The following CXADR variants were observed in gnomAD, a reference collection of about 807,000 sequenced individuals.
The protein encoded by CXADR is CXADR cell adhesion molecule.
A neutral mutation model predicts 40.3 loss-of-function variants in CXADR; 20 were observed. That is an observed-to-expected ratio of 0.50 (90% CI 0.35 to 0.72). The LOEUF (loss-of-function observed/expected upper bound fraction) is 0.72. Among genes scored for constraint, CXADR ranks in the 30% least tolerant of loss-of-function variants. The pLI, the probability that CXADR is intolerant of heterozygous loss-of-function variation, is 0.01. For missense variants in CXADR, 332 were observed against 449.1 expected (o/e 0.74, Z 2.36); for synonymous variants, 150 against 161.3 (o/e 0.93, Z 0.53).
At chr21:17,604,452 A>G in the CXADR span, among the ~76,000 whole-genome samples, 1 of 152,230 alleles carries the variant, frequency 6.6e-6, no homozygotes, top group Non-Finnish European at 1.5e-5. Flanking sequence ...TCCCAAAAAA[A>G]AAGAGGAGAG....
At chr21:17,557,154 C>T (rs976097594) in intron 3 of CXADR, among the ~76,000 whole-genome samples, 3 of 152,116 alleles carry the variant, frequency 2.0e-5, no homozygotes, top group Non-Finnish European at 4.4e-5. Context: ...AAAGTCTTGA[C>T]GTTTATCAGC....
At chr21:17,520,665 A>C (rs1459989394) in intron 1 of CXADR, among the ~76,000 whole-genome samples, 1 of 152,220 alleles carries the variant, frequency 6.6e-6, no homozygotes, top group South Asian at 2.1e-4. Context: ...CTAACACAGG[A>C]ATCCTCTGGG....
chr21:17,626,734 G>T, the CXADR span, among the ~76,000 whole-genome samples: 2 of 152,162 alleles, frequency 1.3e-5, no homozygotes, highest in African/African-American at 2.4e-5. Context: ...GGGTGTTAAG[G>T]CTGGCTTCAT....
At chr21:17,594,051 T>C, downstream of CXADR, 1 of 1,595,108 alleles carries the variant, frequency 6.3e-7, no homozygotes, top group South Asian at 1.1e-5. Context: ...AGGTTTATTC[T>C]ACCTTTTTCT....
At chr21:17,585,562 C>T (rs917751429) in intron 7 of CXADR, among the ~76,000 whole-genome samples, 7 of 152,132 alleles carry the variant, frequency 4.6e-5, no homozygotes, top group Non-Finnish European at 8.8e-5. Context: ...TCTGTCGTCA[C>T]GCTGGAGTAC....
intron 2 of CXADR, among the ~76,000 whole-genome samples, chr21:17,547,912 A>G (rs894902364): frequency 3.3e-5 from 5 of 152,204 alleles, no homozygotes; most frequent in African/African-American, 1.2e-4. Context: ...AGTCTAATGT[A>G]GAAAACTTGG....
chr21:17,631,153 TG>T, the CXADR span, among the ~76,000 whole-genome samples: 5 of 152,376 alleles, frequency 3.3e-5, no homozygotes, highest in African/African-American at 7.2e-5. Context: ...ATTAGCACTG[TG>T]GGTTCTTTAG....
downstream of CXADR, among the ~76,000 whole-genome samples, chr21:17,575,000 CATACAT>C (rs199953415): frequency 0.22 from 1,975 of 9,154 alleles, 128 homozygotes; most frequent in East Asian, 0.51. Flanking sequence ...TATACACACA[CATACAT>C]ACATACATAC....
the CXADR span, among the ~76,000 whole-genome samples, chr21:17,615,144 C>T: frequency 1.3e-5 from 2 of 152,112 alleles, no homozygotes; most frequent in African/African-American, 4.8e-5. Context: ...GGAATTAGTG[C>T]CCTTGTAAGT....
At chr21:17,582,258 C>T (rs1410666805) in intron 7 of CXADR, among the ~76,000 whole-genome samples, 3 of 152,186 alleles carry the variant, frequency 2.0e-5, no homozygotes, top group Non-Finnish European at 4.4e-5. Flanking sequence ...GTGATGCACC[C>T]GCCTTGGCCT....
rs534427660 is a variant in CXADR at position 17,529,248 on chromosome 21, G to C, written c.43+16076G>C. 1.6e-4 allele frequency among the ~76,000 whole-genome samples: 24 copies of C among 151,858 alleles called. 1 individual carries two copies. In the South Asian group the frequency reaches 5.0e-3, roughly 32 times the overall value. On this transcript the variant is annotated intron_variant, in intron 1 of 6. Coordinates refer to ENST00000284878, the MANE Select transcript of CXADR (RefSeq NM_001338.5). The stretch of plus-strand genomic sequence containing the variant: ...TGGTTTCACCATGTTGGTCAGGCTG[G>C]TGTCGAACTCCTGACTTCGTGATTC...
intron 1 of CXADR, among the ~76,000 whole-genome samples, chr21:17,520,629 T>A (rs910464189): frequency 6.6e-6 from 1 of 152,172 alleles, no homozygotes; most frequent in Non-Finnish European, 1.5e-5. Flanking sequence ...ATGTAGCAGT[T>A]CTCAAGGAAG....
At chr21:17,561,089 A>G (rs143328446) in intron 5 of CXADR, among the ~76,000 whole-genome samples, 12 of 152,356 alleles carry the variant, frequency 7.9e-5, no homozygotes, top group Non-Finnish European at 1.2e-4. Context: ...GAACATTCTT[A>G]TATGTTAACC....
Position 17,535,675 on chromosome 21 carries a change from A to G in CXADR, c.44-11352A>G, listed in dbSNP as rs1405632326. 2.0e-5 allele frequency among the ~76,000 whole-genome samples: 3 copies of G among 152,136 alleles called. No individual in the cohort carries two copies. The East Asian group carries it at 5.8e-4, about 29-fold the overall frequency. ...TAAGGTCATATCCCCTTTCCAAGCA[A>G]CCGAACAAGCATGTAAGACTTTGGA... On this transcript the variant is annotated intron_variant, in intron 1 of 6. Transcript: ENST00000284878.
chr21:17,619,609 A>G, the CXADR span, among the ~76,000 whole-genome samples: 13 of 151,230 alleles, frequency 8.6e-5, no homozygotes, highest in East Asian at 3.9e-4. Context: ...AAAAAAAAAA[A>G]AGAGAGAGAT....
intron 3 of CXADR, among the ~76,000 whole-genome samples, chr21:17,554,331 G>A (rs1024256109): frequency 6.6e-6 from 1 of 152,182 alleles, no homozygotes; most frequent in Non-Finnish European, 1.5e-5. Flanking sequence ...CTCATGGCAG[G>A]AGCCGTGACT....
At chr21:17,626,752 G>T in the CXADR span, 1 of 152,202 alleles carries the variant, frequency 6.6e-6, no homozygotes, top group African/African-American at 2.4e-5. Flanking sequence ...CATAGAGCAG[G>T]TGTTTATTGC....
intron 1 of CXADR, among the ~76,000 whole-genome samples, chr21:17,515,019 A>C (rs2060442547): frequency 6.6e-6 from 1 of 151,940 alleles, no homozygotes; most frequent in African/African-American, 2.4e-5. Flanking sequence ...CAATTCTAAG[A>C]AATAATATTT....
At chr21:17,547,268 A>G in intron 2 of CXADR, 75 bp downstream of exon 2, 1 of 1,587,706 alleles carries the variant, frequency 6.3e-7, no homozygotes, top group South Asian at 1.1e-5. Context: ...CTTGCCAGTC[A>G]CATGGATGGG....
Sources: gnomAD v4.1 joint callset for allele counts (sites outside exome capture counted in the v4.1 genomes callset) on GRCh38, gnomAD v4.1.1 for gene constraint, MANE v1.5 for transcripts, NCBI Gene and HGNC (gene_info 2026-07-23, HGNC 2026-07-21) for gene names.